NSMCE2: variants seen among roughly 807,000 people sequenced by gnomAD.
NSMCE2 encodes NSE2 SUMO ligase component of SMC5/6 complex, also known as E3 SUMO-protein ligase NSE2.
In NSMCE2, 24 loss-of-function variants were observed where a neutral mutation model predicts 23.8. The observed-to-expected ratio is 1.01, with a 90% CI of 0.73 to 1.42. The LOEUF is 1.42. Among genes scored for constraint, NSMCE2 ranks in the 40% most tolerant of loss-of-function variants. The pLI, the probability that NSMCE2 is intolerant of heterozygous loss-of-function variation, is 0.00. For synonymous variants in NSMCE2, 92 were observed against 94.1 expected, an observed-to-expected ratio of 0.98 and a Z score of 0.13; for missense variants, 284 against 296.5, an observed-to-expected ratio of 0.96 and a Z score of 0.31.
intron 5 of NSMCE2, among the ~76,000 whole-genome samples, chr8:125,235,634 G>C (rs1190461904): frequency 6.6e-6 from 1 of 152,082 alleles, no homozygotes; most frequent in Admixed American, 6.5e-5. Flanking sequence ...AAGTATATTG[G>C]AAATCTTTCC....
At chr8:125,205,633 T>G (rs980209097) in intron 5 of NSMCE2, among the ~76,000 whole-genome samples, 2 of 152,164 alleles carry the variant, frequency 1.3e-5, no homozygotes. Context: ...GAATACCAAG[T>G]TGTGAGAAGC....
At chr8:125,201,049 TA>T (rs1823848750) in intron 5 of NSMCE2, among the ~76,000 whole-genome samples, 1 of 152,100 alleles carries the variant, frequency 6.6e-6, no homozygotes, top group African/African-American at 2.4e-5. Flanking sequence ...CTATACTGTT[TA>T]TTCTAGTTAG....
intron 4 of NSMCE2, among the ~76,000 whole-genome samples, chr8:125,163,243 A>ATTTT (rs1435142417): frequency 2.0e-5 from 3 of 152,176 alleles, no homozygotes; most frequent in Admixed American, 6.5e-5. Flanking sequence ...CAATTCAAAA[A>ATTTT]TTTATACTTT....
intron 5 of NSMCE2, among the ~76,000 whole-genome samples, chr8:125,321,418 G>C (rs1480661427): frequency 1.3e-5 from 2 of 152,140 alleles, no homozygotes; most frequent in African/African-American, 4.8e-5. Flanking sequence ...TTACACTATA[G>C]AGCCCAGGCA....
intron 4 of NSMCE2, among the ~76,000 whole-genome samples, chr8:125,164,798 A>G (rs891470741): frequency 3.9e-5 from 6 of 152,214 alleles, no homozygotes; most frequent in African/African-American, 7.2e-5. Flanking sequence ...TTATGTTTAT[A>G]TTTATTAAAA....
rs191695270 is a variant in NSMCE2 at position 125,275,054 on chromosome 8, G to T, written c.419-82165G>T. The stretch of plus-strand genomic sequence containing the variant: ...AATAATAAATAGAATAATATCCTAG[G>T]TGGCTTCAGCACCTGACTTCTTTTT... On this transcript the variant is annotated intron_variant, in intron 5 of 7. Transcript: ENST00000287437. 3.1e-3 allele frequency among the ~76,000 whole-genome samples: 458 copies of T among 149,972 alleles called. 1 individual carries two copies. The highest frequency in any genetic ancestry group is 5.3e-3 in the Non-Finnish European group (359 of 67,684).
intron 5 of NSMCE2, among the ~76,000 whole-genome samples, chr8:125,253,680 C>T (rs1243451140): frequency 1.3e-5 from 2 of 152,130 alleles, no homozygotes; most frequent in African/African-American, 2.4e-5. Context: ...TGTGACTTAT[C>T]TTTATATGGA....
intron 3 of NSMCE2, among the ~76,000 whole-genome samples, chr8:125,142,085 AG>A (rs534750786): frequency 1.6e-3 from 238 of 152,278 alleles, no homozygotes; most frequent in African/African-American, 5.2e-3. Flanking sequence ...TTGGTTCCAA[AG>A]GCAAAGTGCT....
At chr8:125,133,020 A>ACTT (rs1319872726) in intron 3 of NSMCE2, among the ~76,000 whole-genome samples, 1 of 152,178 alleles carries the variant, frequency 6.6e-6, no homozygotes, top group Non-Finnish European at 1.5e-5. Context: ...GAGAAAATTG[A>ACTT]CAGTTGCAGA....
At chr8:125,234,013 A>T (rs991670344) in intron 5 of NSMCE2, among the ~76,000 whole-genome samples, 2 of 69,614 alleles carry the variant, frequency 2.9e-5, no homozygotes, top group Admixed American at 1.6e-4. Flanking sequence ...TGTCTCTACT[A>T]AAAAAAAAAA....
chr8:125,115,564 AAC>A (rs1199862735), intron 3 of NSMCE2, among the ~76,000 whole-genome samples: 1 of 152,198 alleles, frequency 6.6e-6, no homozygotes, highest in Non-Finnish European at 1.5e-5. Flanking sequence ...CACCCTAGCC[AAC>A]ACAGTGAAAC....
At chr8:125,353,092 C>G (rs1181013158) in intron 5 of NSMCE2, among the ~76,000 whole-genome samples, 3 of 152,198 alleles carry the variant, frequency 2.0e-5, no homozygotes, top group Admixed American at 2.0e-4. Context: ...GTTGTGCTTT[C>G]TTACTTCCTC....
At chr8:125,340,960 C>T (rs939154416) in intron 5 of NSMCE2, among the ~76,000 whole-genome samples, 2 of 152,128 alleles carry the variant, frequency 1.3e-5, no homozygotes, top group Non-Finnish European at 2.9e-5. Flanking sequence ...TTATTTTTAG[C>T]CTGCCTCCTT....
intron 5 of NSMCE2, among the ~76,000 whole-genome samples, chr8:125,214,888 T>C (rs1012823085): frequency 6.6e-6 from 1 of 152,136 alleles, no homozygotes; most frequent in African/African-American, 2.4e-5. Context: ...TGAGATTAGG[T>C]ACGTTCACAC....
At chr8:125,203,326 C>G (rs1823969796) in intron 5 of NSMCE2, among the ~76,000 whole-genome samples, 1 of 151,944 alleles carries the variant, frequency 6.6e-6, no homozygotes, top group East Asian at 1.9e-4. Flanking sequence ...TGTATCATAC[C>G]CATGGACCTT....
chr8:125,256,294 A>AG (rs1426513388), intron 5 of NSMCE2, among the ~76,000 whole-genome samples: 2 of 151,980 alleles, frequency 1.3e-5, no homozygotes, highest in Non-Finnish European at 2.9e-5. Context: ...AAAAAAAAAA[A>AG]AAAACTAACT....
chr8:125,101,108 CTG>C (rs1818166827), intron 1 of NSMCE2, among the ~76,000 whole-genome samples: 1 of 152,212 alleles, frequency 6.6e-6, no homozygotes, highest in Non-Finnish European at 1.5e-5. Flanking sequence ...TTATGCATCT[CTG>C]TGCATCTTGC....
rs550725570 is a variant in NSMCE2, at chr8:125,142,144, A to G, written c.158-9027A>G. ...CTTGCAGAATAGTTATCTATTCTGT[A>G]ATAATGATAATGACAAATATTTTGT... On this transcript the variant is annotated intron_variant, in intron 3 of 7. Transcript: ENST00000287437. Among the ~76,000 whole-genome samples the G allele has an allele frequency of 2.0e-5, 3 of 152,332 alleles. No individual in the cohort carries two copies. In the South Asian group the frequency reaches 6.2e-4, roughly 32 times the overall value.
chr8:125,102,570 T>A, intron 3 of NSMCE2, 83 bp downstream of exon 3: 1 of 1,082,038 alleles, frequency 9.2e-7, no homozygotes, highest in South Asian at 1.3e-5. Context: ...CTTTTGAGTA[T>A]CCTTGGGGGA....
Sources: gnomAD v4.1 joint callset for allele counts (sites outside exome capture counted in the v4.1 genomes callset) on GRCh38, gnomAD v4.1.1 for gene constraint, MANE v1.5 for transcripts, NCBI Gene and HGNC (gene_info 2026-07-23, HGNC 2026-07-21) for gene names.